Variants in RALGDS observed in about 807,000 individuals in gnomAD.
RALGDS encodes ral guanine nucleotide exchange factor.
Under a neutral mutation model 99.8 loss-of-function variants are expected in RALGDS, and 44 were observed. The observed-to-expected ratio is 0.44, with a 90% CI of 0.35 to 0.57. The LOEUF (loss-of-function observed/expected upper bound fraction) is 0.57, where lower values mean the gene tolerates loss of function less well. Ranked by LOEUF, RALGDS falls within the 20% of genes least tolerant of loss-of-function variation. The pLI is 0.01. For missense variants in RALGDS, 1,022 were observed against 1,203.1 expected, an observed-to-expected ratio of 0.85 and a Z score of 2.23; for synonymous variants, 529 against 505.0, an observed-to-expected ratio of 1.05 and a Z score of -0.64.
Position 133,102,441 on chromosome 9 carries a change from G to A in RALGDS, c.2009+35C>T, listed in dbSNP as rs570850428. 20 of 1,597,450 alleles carry A rather than the reference G, an allele frequency of 1.3e-5. No individual in the cohort carries two copies. In the Admixed American group the frequency reaches 2.7e-4, roughly 21 times the overall value. On this transcript the variant is annotated intron_variant, in intron 14 of 17. Coordinates refer to ENST00000372050, the MANE Select transcript of RALGDS (RefSeq NM_006266.4). ...AGCCCTGAAGCTTCTGAGCCCCAAG[G>A]CAGCTGCCCCTACCACCCTTGGCCA... is the stretch of plus-strand genomic sequence containing the variant.
intron 7 of RALGDS, 148 bp downstream of exon 7, chr9:133,106,937 T>G (rs1831093602): frequency 2.1e-6 from 2 of 970,922 alleles, no homozygotes; most frequent in East Asian, 2.5e-5. Context: ...AAGGAAGACG[T>G]GAGCATCCAG....
intron 11 of RALGDS, chr9:133,103,546 C>A: frequency 1.4e-6 from 1 of 704,160 alleles, no homozygotes; most frequent in Non-Finnish European, 2.5e-6. Context: ...CCTCTGTGCT[C>A]AGGGTCACTG....
chr9:133,109,808 C>A, intron 3 of RALGDS, 87 bp from the exon 4 acceptor site: 2 of 1,031,812 alleles, frequency 1.9e-6, no homozygotes, highest in South Asian at 2.6e-5. Flanking sequence ...TGCTTTTTTT[C>A]ATCAAATTAT....
chr9:133,136,295 G>C (rs1365494736), intron 1 of RALGDS, among the ~76,000 whole-genome samples: 2 of 152,260 alleles, frequency 1.3e-5, no homozygotes, highest in African/African-American at 4.8e-5. Context: ...AGACAGGCCA[G>C]GAGGGCTGAG....
In RALGDS at chr9:133,113,958, C is replaced by A. The variant is rs190181169; in HGVS notation, c.184-1806G>T. ...ACAGCACCCAGGTCCTGGCTGAGCA[C>A]CATCAGTGCCTGCTGGACAGAGGTG... On this transcript the variant is annotated intron_variant, in intron 1 of 17. Coordinates refer to ENST00000372050, the MANE Select transcript of RALGDS (RefSeq NM_006266.4). Among the ~76,000 whole-genome samples the A allele has an allele frequency of 1.3e-3, 205 of 152,344 alleles. 2 individuals carry two copies. The highest frequency in any genetic ancestry group is 7.7e-3 in the South Asian group (37 of 4,830).
upstream of RALGDS, among the ~76,000 whole-genome samples, chr9:133,132,873 G>A (rs1159865378): frequency 1.3e-5 from 2 of 152,110 alleles, no homozygotes; most frequent in African/African-American, 4.8e-5. Flanking sequence ...TCCTGACGTC[G>A]AGATCCGCCC....
intron 2 of RALGDS, 91 bp downstream of exon 2, chr9:133,111,951 C>T: frequency 1.0e-6 from 1 of 996,048 alleles, no homozygotes; most frequent in Non-Finnish European, 1.5e-6. Context: ...AGGCCGTTTC[C>T]TTTGGGATCA....
intron 1 of RALGDS, among the ~76,000 whole-genome samples, chr9:133,120,770 G>A (rs1207599214): frequency 6.6e-6 from 1 of 152,118 alleles, no homozygotes. Flanking sequence ...ACTGTTGGAC[G>A]GGGCGCGGCG....
rs1017858665 is a variant in RALGDS at position 133,121,198 on chromosome 9, GGGGGCGGCGGCGCGGCCCGCGCGGCT to G, written c.-70_-45del. On this transcript the variant is annotated 5_prime_UTR_variant, in exon 1 of 18. Transcript: ENST00000372050. ...GCGCGGGGCCGGCCCGGCGCGCGGCGGGGGCGGCGGCGCGGCCCGCGCGGCTGGGCTTTGCCACCGCTGTGAGCCCG... is the reference window on the plus strand; with the variant it reads ...GCGCGGGGCCGGCCCGGCGCGCGGCGGGGCTTTGCCACCGCTGTGAGCCCG... 1 of 885,154 alleles carries G rather than the reference GGGGGCGGCGGCGCGGCCCGCGCGGCT, an allele frequency of 1.1e-6. No homozygotes were observed. The highest frequency in any genetic ancestry group is 1.8e-5 in the African/African-American group (1 of 55,476). 54.8% of individuals were successfully genotyped at this position (885,154 alleles called of 1,614,324 possible). A position where few individuals can be genotyped will look rare whatever the true frequency, so the allele number is the denominator to read the frequency against.
intron 1 of RALGDS, among the ~76,000 whole-genome samples, chr9:133,120,428 A>ACC (rs71378548): frequency 0.22 from 13,063 of 59,416 alleles, 999 homozygotes; most frequent in Non-Finnish European, 0.28. Flanking sequence ...CCATCCCCCG[A>ACC]CCCCCCCCCC....
chr9:133,139,419 C>T (rs1396377762), intron 1 of RALGDS, among the ~76,000 whole-genome samples: 3 of 152,180 alleles, frequency 2.0e-5, no homozygotes, highest in East Asian at 1.9e-4. Flanking sequence ...ACCAGGCAGG[C>T]GGTGCCGCCA....
chr9:133,109,296 A>G (rs1831224633), intron 4 of RALGDS, among the ~76,000 whole-genome samples: 1 of 152,148 alleles, frequency 6.6e-6, no homozygotes, highest in South Asian at 2.1e-4. Context: ...GGGGTGAGGC[A>G]ATGTGAGAGC....
chr9:133,143,819 T>A (rs897758821), intron 1 of RALGDS, among the ~76,000 whole-genome samples: 64 of 131,904 alleles, frequency 4.9e-4, no homozygotes, highest in Non-Finnish European at 8.4e-4. Context: ...ATAATAATAA[T>A]AAAATAAAGG....
Position 133,106,027 on chromosome 9 carries a change from G to A in RALGDS, c.1518-11C>T, listed in dbSNP as rs1192829102. On this transcript the variant is annotated splice_polypyrimidine_tract_variant and intron_variant, in intron 8 of 17. Transcript: ENST00000372050. ...ATCCGGAAACTGTCCCTGTCAGAAG[G>A]GCAAAGAAGGAAAGAGAAAGCTGGG... 6.2e-7 allele frequency: 1 copy of A among 1,603,656 alleles called. No individual in the cohort carries two copies. The highest frequency in any genetic ancestry group is 8.5e-7 in the Non-Finnish European group (1 of 1,173,502).
At chr9:133,133,074 C>T (rs1163122715), upstream of RALGDS, among the ~76,000 whole-genome samples, 2 of 152,176 alleles carry the variant, frequency 1.3e-5, no homozygotes, top group East Asian at 3.9e-4. Context: ...CTCTGCAGGG[C>T]CTTGCATCTC....
At chr9:133,124,668 G>A (rs1832090893), upstream of RALGDS, among the ~76,000 whole-genome samples, 1 of 152,200 alleles carries the variant, frequency 6.6e-6, no homozygotes, top group African/African-American at 2.4e-5. Context: ...AGGATGTGTT[G>A]CCCAATGCCC....
chr9:133,125,714 C>T (rs540539710), upstream of RALGDS, among the ~76,000 whole-genome samples: 169 of 152,168 alleles, frequency 1.1e-3, 1 homozygote, highest in Middle Eastern at 3.4e-3. Context: ...CCAGCCTGGG[C>T]GACAAAGCAA....
chr9:133,119,104 T>C (rs778222366), intron 1 of RALGDS, among the ~76,000 whole-genome samples: 3 of 152,068 alleles, frequency 2.0e-5, no homozygotes, highest in Non-Finnish European at 4.4e-5. Context: ...GAAGCCCAGA[T>C]GTGAGGAGAT....
intron 1 of RALGDS, among the ~76,000 whole-genome samples, chr9:133,126,383 C>T (rs775943341): frequency 2.0e-5 from 3 of 152,248 alleles, no homozygotes; most frequent in Non-Finnish European, 4.4e-5. Flanking sequence ...CCCACCCACA[C>T]ATGTGTTTTG....
Sources: allele counts gnomAD v4.1 joint callset (sites outside exome capture counted in the v4.1 genomes callset), GRCh38; gene constraint gnomAD v4.1.1; transcripts MANE v1.5; gene names NCBI Gene and HGNC (gene_info 2026-07-23, HGNC 2026-07-21).